CPNE6: variants seen among roughly 807,000 people sequenced by gnomAD.
The protein encoded by CPNE6 is copine-6.
CPNE6 carries 33 observed loss-of-function variants against 71.5 expected under a neutral mutation model. The observed-to-expected ratio is 0.46, with a 90% confidence interval of 0.35 to 0.62. CPNE6 has a LOEUF of 0.62. Among genes scored for constraint, CPNE6 ranks in the 20% least tolerant of loss-of-function variants. The probability of loss-of-function intolerance (pLI) is 0.00; values close to 1 mark genes in which losing one functional copy is unlikely to be tolerated. For synonymous variants in CPNE6, 296 were observed against 293.0 expected, an observed-to-expected ratio of 1.01 and a Z score of -0.10; for missense variants, 576 against 747.3, an observed-to-expected ratio of 0.77 and a Z score of 2.67.
Position 24,074,076 on chromosome 14 carries a change from A to C in CPNE6, c.374A>C (p.Lys125Thr). Residue 125 changes from lysine to threonine, a missense_variant, in exon 5 of 18, where the codon AAG becomes ACG. Around this residue, in one of 4 missense-constraint regions of CPNE6, gnomAD observed 214 missense variants for 291.2 expected, o/e 0.73. Transcript: ENST00000397016. This position sits in a 1 kb window ranked among gnomAD's most constrained non-coding sequence, Gnocchi z 4.5. ...ATTGTGTCACAAACCAAGGTCACTA[A>C]GCCATTATTGCTGAAGAATGGGAAG... is the stretch of plus-strand genomic sequence containing the variant. 1.9e-6 allele frequency: 3 copies of C among 1,614,154 alleles called. No individual in the cohort carries two copies. Among genetic ancestry groups the C allele is most frequent in the Non-Finnish European group, 2.5e-6 (3 of 1,180,016 alleles).
intron 14 of CPNE6, 92 bp downstream of exon 13, chr14:24,076,649 C>T: frequency 1.3e-6 from 2 of 1,546,706 alleles, no homozygotes; most frequent in Non-Finnish European, 1.8e-6. Flanking sequence ...AGCTTCCTGT[C>T]CCTTCCACCC....
chr14:24,071,818 C>T, intron 2 of CPNE6, 177 bp downstream of exon 1: 1 of 548,654 alleles, frequency 1.8e-6, no homozygotes, highest in Non-Finnish European at 3.2e-6. Context: ...GGCTGGAAGG[C>T]AGAGACCCCC....
At position 24,075,468 on chromosome 14, in the gene CPNE6, T is replaced by C. The variant is rs758679803; in HGVS notation, c.778-37T>C. 4.4e-6 allele frequency: 7 copies of C among 1,574,038 alleles called. No homozygotes were observed. The highest frequency in any genetic ancestry group is 1.1e-5 in the South Asian group (1 of 88,788). On this transcript the variant is annotated intron_variant, in intron 9 of 17. Transcript: ENST00000397016. This position sits in a 1 kb window ranked among gnomAD's most constrained non-coding sequence, Gnocchi z 4.3. The stretch of plus-strand genomic sequence containing the variant: ...GAAGGGAGAAAGAGGGGTCACCTGA[T>C]GGACTTGTGACCCTGAGCTTGTGGG...
chr14:24,073,399 G>A lies in CPNE6; in HGVS notation c.169-100G>A. ...GAGAAGAGCTGGTTGCTGGGGACGT[G>A]GGGGCCCAAGAAGAGCTGGCATGAC... On this transcript the variant is annotated intron_variant, in intron 3 of 17. Coordinates refer to ENST00000397016, the Ensembl canonical transcript of CPNE6. The surrounding 1 kb of genome is among the most constrained non-coding windows in gnomAD (Gnocchi z 5.5). The A allele has an allele frequency of 1.5e-6, 2 of 1,329,848 alleles. No homozygotes were observed. Among genetic ancestry groups the A allele is most frequent in the Non-Finnish European group, 2.1e-6 (2 of 967,650 alleles). 82.4% of individuals were successfully genotyped at this position (1,329,848 alleles called of 1,614,324 possible). A position where few individuals can be genotyped will look rare whatever the true frequency, so the allele number is the denominator to read the frequency against.
Position 24,074,755 on chromosome 14 carries a change from T to C in CPNE6, c.632T>C (p.Leu211Pro). The change falls in exon 8 of 18, where the codon CTG (leucine) becomes CCG (proline). Residue 211 changes from leucine (L) to proline (P), a missense_variant. Physicochemically the swap from Leu to Pro is moderately conservative, Grantham distance 98. Transcript: ENST00000397016. This position sits in a 1 kb window ranked among gnomAD's most constrained non-coding sequence, Gnocchi z 4.5. ...AGCTGGGAGCCGTTCCGCCTGTCCCTGCATTCCCTATGCAGCTGTGATGTT... is the reference window on the plus strand; with the variant it reads ...AGCTGGGAGCCGTTCCGCCTGTCCCCGCATTCCCTATGCAGCTGTGATGTT... The C allele has an allele frequency of 6.2e-7, 1 of 1,613,988 alleles. No individual in the cohort carries two copies. The highest frequency in any genetic ancestry group is 8.5e-7 in the Non-Finnish European group (1 of 1,179,946).
chr14:24,073,437 G>A lies in CPNE6; in HGVS notation c.169-62G>A. The A allele has an allele frequency of 6.4e-7, 1 of 1,565,042 alleles. No homozygotes were observed. ...GAGCTGGCATGACTAGGGCAGTCCA[G>A]GACAGGGAAAAGTATCCTCGGTTCC... On this transcript the variant is annotated intron_variant, in intron 3 of 17. Coordinates refer to ENST00000397016, the Ensembl canonical transcript of CPNE6. The surrounding 1 kb of genome is among the most constrained non-coding windows in gnomAD (Gnocchi z 5.5).
In CPNE6 at chr14:24,074,838, A is replaced by C. The variant is rs751062640; in HGVS notation, c.672+43A>C. ...CCAGCACAGCCTACTTAGAGCAACC[A>C]ATCTGCTATCTAAGACCTTTCCCCT... is the stretch of plus-strand genomic sequence containing the variant. On this transcript the variant is annotated intron_variant, in intron 8 of 17. Transcript: ENST00000397016. This position sits in a 1 kb window ranked among gnomAD's most constrained non-coding sequence, Gnocchi z 4.5. 2 of 1,534,920 alleles carry C rather than the reference A, an allele frequency of 1.3e-6. No individual in the cohort carries two copies. Among genetic ancestry groups the C allele is most frequent in the South Asian group, 2.3e-5 (2 of 86,626 alleles).
At chr14:24,076,590 C>G in intron 14 of CPNE6, 33 bp downstream of exon 13, 1 of 1,613,028 alleles carries the variant, frequency 6.2e-7, no homozygotes, top group South Asian at 1.1e-5. Flanking sequence ...GCCCCGCCTC[C>G]CCGCAGACAC....
At position 24,077,742 on chromosome 14, in the gene CPNE6, C is replaced by G; in HGVS notation, c.*12C>G. 1 of 1,514,658 alleles carries G rather than the reference C, an allele frequency of 6.6e-7. No individual in the cohort carries two copies. Among genetic ancestry groups the G allele is most frequent in the South Asian group, 1.3e-5 (1 of 74,868 alleles). The allele number at this position is 1,514,658 out of a possible 1,614,324, so 93.8% of individuals were successfully genotyped here. A position where few individuals can be genotyped will look rare whatever the true frequency, so the allele number is the denominator to read the frequency against. On this transcript the variant is annotated 3_prime_UTR_variant, in exon 17 of 18. Coordinates refer to ENST00000397016, the Ensembl canonical transcript of CPNE6. The surrounding 1 kb of genome is among the most constrained non-coding windows in gnomAD (Gnocchi z 6.1). ...GCCCTAGCCCGTGACTGCCTCCCTCCGGACCGACACTCCCTCAGCCTCTCA... is the reference window on the plus strand; with the variant it reads ...GCCCTAGCCCGTGACTGCCTCCCTCGGGACCGACACTCCCTCAGCCTCTCA...
Position 24,073,272 on chromosome 14 carries a change from A to C in CPNE6, c.168+168A>C, listed in dbSNP as rs1486986460. On this transcript the variant is annotated intron_variant, in intron 3 of 17. Transcript: ENST00000397016. This position sits in a 1 kb window ranked among gnomAD's most constrained non-coding sequence, Gnocchi z 5.5. ...GGTGTCCCAGAGGGTCCTGAGATTG[A>C]CCCAGAGGCAGTGGGGTTGCTCCCA... 6.6e-6 allele frequency among the ~76,000 whole-genome samples: 1 copy of C among 152,056 alleles called. No homozygotes were observed. Among genetic ancestry groups the C allele is most frequent in the Non-Finnish European group, 1.5e-5 (1 of 67,998 alleles).
intron 14 of CPNE6, 74 bp downstream of exon 13, chr14:24,076,631 C>G (rs746004375): frequency 6.3e-7 from 1 of 1,584,308 alleles, no homozygotes; most frequent in Non-Finnish European, 8.7e-7. Context: ...CTCCACTCCC[C>G]AGGGCCCAGC....
In CPNE6 at chr14:24,073,611, C is replaced by G. The variant is rs1566549052; in HGVS notation, c.281C>G (p.Ala94Gly). 6.2e-7 allele frequency: 1 copy of G among 1,614,004 alleles called. No individual in the cohort carries two copies. The highest frequency in any genetic ancestry group is 2.2e-5 in the East Asian group (1 of 44,886). ...CCCCTGCAGTTCCACGTGTTCGATG[C>G]CGAGGACGGAGCCACCAGCCCCCGA... is the stretch of plus-strand genomic sequence containing the variant. The change falls in exon 4 of 18, where the codon GCC (alanine) becomes GGC (glycine). Residue 94 changes from alanine to glycine, a missense_variant. Transcript: ENST00000397016. This position sits in a 1 kb window ranked among gnomAD's most constrained non-coding sequence, Gnocchi z 5.5.
chr14:24,073,031 T>C lies in CPNE6; in HGVS notation c.95T>C (p.Leu32Pro), dbSNP rs1594226811. 2 of 1,576,504 alleles carry C rather than the reference T, an allele frequency of 1.3e-6. No individual in the cohort carries two copies. Among genetic ancestry groups the C allele is most frequent in the Non-Finnish European group, 1.7e-6 (2 of 1,162,744 alleles). ...CTGCGGGTGTCCTGCCATGGCCTCC[T>C]GGACCGGGACACACTCACCAAACCC... Residue 32 changes from leucine (L) to proline (P), a missense_variant, in exon 3 of 18, where the codon CTG becomes CCG. Leu to Pro is a moderately conservative substitution (Grantham distance 98). Transcript: ENST00000397016. This position sits in a 1 kb window ranked among gnomAD's most constrained non-coding sequence, Gnocchi z 5.5.
rs2035976976 is a variant in CPNE6 at position 24,073,809 on chromosome 14, C to T, written c.348+131C>T. The T allele has an allele frequency of 2.0e-6, 2 of 997,124 alleles. No homozygotes were observed. The highest frequency in any genetic ancestry group is 3.0e-6 in the Non-Finnish European group (2 of 677,636). 61.8% of individuals were successfully genotyped at this position (997,124 alleles called of 1,614,324 possible). On this transcript the variant is annotated intron_variant, in intron 4 of 17. Coordinates refer to ENST00000397016, the Ensembl canonical transcript of CPNE6. The surrounding 1 kb of genome is among the most constrained non-coding windows in gnomAD (Gnocchi z 5.5). ...CCTTGGCTCCCATCTCTGCCATTCA[C>T]TAGCTGTGCAGCCTCAGGAAAGATA... is the stretch of plus-strand genomic sequence containing the variant.
Position 24,077,965 on chromosome 14 carries a change from C to A in CPNE6, c.*115C>A, listed in dbSNP as rs764887610. On this transcript the variant is annotated 3_prime_UTR_variant, in exon 18 of 18. Coordinates refer to ENST00000397016, the Ensembl canonical transcript of CPNE6. This position sits in a 1 kb window ranked among gnomAD's most constrained non-coding sequence, Gnocchi z 6.1. Reference sequence around the variant, plus strand: ...CCAGGTGTGCCCCCTGGGTTCTGGACGTGAGTGGTGGGTCCTGCTCCTATC... The same window carrying A: ...CCAGGTGTGCCCCCTGGGTTCTGGAAGTGAGTGGTGGGTCCTGCTCCTATC... 1.1e-5 allele frequency: 5 copies of A among 445,646 alleles called. No homozygotes were observed. Among genetic ancestry groups the A allele is most frequent in the Non-Finnish European group, 2.0e-5 (5 of 254,984 alleles). 27.6% of individuals were successfully genotyped at this position (445,646 alleles called of 1,614,324 possible).
chr14:24,075,791 C>T lies in CPNE6; in HGVS notation c.865-36C>T, dbSNP rs768366908. The stretch of plus-strand genomic sequence containing the variant: ...CCAAGCTCCCTCCTCAAAGGACCAC[C>T]CCATCCCCTCGCCTTACCCCTCTCC... On this transcript the variant is annotated intron_variant, in intron 10 of 17. Coordinates refer to ENST00000397016, the Ensembl canonical transcript of CPNE6. This position sits in a 1 kb window ranked among gnomAD's most constrained non-coding sequence, Gnocchi z 4.3. The T allele has an allele frequency of 1.9e-6, 3 of 1,600,024 alleles. No individual in the cohort carries two copies. Among genetic ancestry groups the T allele is most frequent in the Non-Finnish European group, 2.6e-6 (3 of 1,167,522 alleles).
Position 24,074,386 on chromosome 14 carries a change from G to A in CPNE6, c.498+21G>A. On this transcript the variant is annotated intron_variant, in intron 6 of 17. Transcript: ENST00000397016. The surrounding 1 kb of genome is among the most constrained non-coding windows in gnomAD (Gnocchi z 4.5). ...ACAAGGTTGGAACCCCAGAGTCCAG[G>A]CCCCCAACTCCCCTGTCACTCCTAG... The A allele has an allele frequency of 1.3e-6, 2 of 1,550,120 alleles. No individual in the cohort carries two copies. Among genetic ancestry groups the A allele is most frequent in the South Asian group, 1.3e-5 (1 of 79,802 alleles).
In CPNE6 at chr14:24,077,754, C is replaced by A. The variant is rs1461740021; in HGVS notation, c.*24C>A. ...GACTGCCTCCCTCCGGACCGACACT[C>A]CCTCAGCCTCTCAGTGAGTCCTGGG... On this transcript the variant is annotated 3_prime_UTR_variant, in exon 17 of 18. Transcript: ENST00000397016. The surrounding 1 kb of genome is among the most constrained non-coding windows in gnomAD (Gnocchi z 6.1). 1 of 1,510,198 alleles carries A rather than the reference C, an allele frequency of 6.6e-7. No homozygotes were observed. Among genetic ancestry groups the A allele is most frequent in the Non-Finnish European group, 8.8e-7 (1 of 1,130,572 alleles). The allele number at this position is 1,510,198 out of a possible 1,614,324, so 93.5% of individuals were successfully genotyped here.
chr14:24,076,569 G>C lies in CPNE6; in HGVS notation c.1165+12G>C, dbSNP rs2036071766. On this transcript the variant is annotated intron_variant, in intron 14 of 17. Coordinates refer to ENST00000397016, the Ensembl canonical transcript of CPNE6. ...TCCTGAATGTGAAGGTAAAAGGGGA[G>C]ATTTTCACCTGCCCCGCCTCCCCGC... is the stretch of plus-strand genomic sequence containing the variant. 1.2e-6 allele frequency: 2 copies of C among 1,614,062 alleles called. No individual in the cohort carries two copies. Among genetic ancestry groups the C allele is most frequent in the Admixed American group, 1.7e-5 (1 of 60,018 alleles).
Sources: allele counts gnomAD v4.1 joint callset (sites outside exome capture counted in the v4.1 genomes callset), GRCh38; gene constraint gnomAD v4.1.1; regional missense constraint gnomAD v4.1.1; non-coding constraint Gnocchi (gnomAD v3.1); transcripts MANE v1.5; gene names NCBI Gene and HGNC (gene_info 2026-07-23, HGNC 2026-07-21).